The following CEP112 variants were observed in gnomAD, a reference collection of about 807,000 sequenced individuals.
The protein encoded by CEP112 is centrosomal protein of 112 kDa.
Under a neutral mutation model 153.0 loss-of-function variants are expected in CEP112, and 127 were observed. That is an observed-to-expected ratio of 0.83 (90% CI 0.72 to 0.96). The LOEUF (loss-of-function observed/expected upper bound fraction) is 0.96, where lower values mean the gene tolerates loss of function less well. Ranked by LOEUF, CEP112 falls within the 40% of genes least tolerant of loss-of-function variation. The pLI is 0.00. For synonymous variants in CEP112, 358 were observed against 374.4 expected (o/e 0.96, Z 0.51); for missense variants, 1,089 against 1,101.2 (o/e 0.99, Z 0.16).
At chr17:65,887,841 G>A (rs1380952620) in intron 20 of CEP112, among the ~76,000 whole-genome samples, 1 of 152,150 alleles carries the variant, frequency 6.6e-6, no homozygotes, top group African/African-American at 2.4e-5. Flanking sequence ...GAGCATCTTG[G>A]GGTTTACCTT....
chr17:66,000,607 A>G (rs2063996945), intron 17 of CEP112, among the ~76,000 whole-genome samples: 1 of 152,174 alleles, frequency 6.6e-6, no homozygotes, highest in Non-Finnish European at 1.5e-5. Flanking sequence ...AACATCATGC[A>G]TAACACTTCG....
intron 23 of CEP112, among the ~76,000 whole-genome samples, chr17:65,694,368 C>T (rs1462132260): frequency 1.3e-5 from 2 of 152,164 alleles, no homozygotes; most frequent in Non-Finnish European, 1.5e-5. Flanking sequence ...ATAACTAGAT[C>T]TGATCCTTTT....
At chr17:66,039,543 C>A (rs566342713) in intron 12 of CEP112, among the ~76,000 whole-genome samples, 1 of 152,202 alleles carries the variant, frequency 6.6e-6, no homozygotes, top group Non-Finnish European at 1.5e-5. Context: ...GGCAACAGAG[C>A]AAGACTGCAT....
chr17:65,741,867 T>C (rs2051158022), intron 23 of CEP112, among the ~76,000 whole-genome samples: 1 of 151,998 alleles, frequency 6.6e-6, no homozygotes, highest in Non-Finnish European at 1.5e-5. Context: ...TCCTGTGCAT[T>C]TGTAAATGAA....
chr17:66,157,588 TG>T (rs1273069275), intron 4 of CEP112, among the ~76,000 whole-genome samples: 1 of 151,394 alleles, frequency 6.6e-6, no homozygotes, highest in Non-Finnish European at 1.5e-5. Context: ...ACTGGGAAAT[TG>T]GATAAAGAGT....
At chr17:66,098,643 G>C (rs2068442032) in intron 6 of CEP112, among the ~76,000 whole-genome samples, 2 of 152,154 alleles carry the variant, frequency 1.3e-5, no homozygotes, top group South Asian at 4.1e-4. Flanking sequence ...CTAGGTTAAA[G>C]GAAATACACA....
chr17:65,820,352 CTAGA>C (rs2056470930), intron 21 of CEP112, among the ~76,000 whole-genome samples: 1 of 152,046 alleles, frequency 6.6e-6, no homozygotes. Context: ...CCATGCATGA[CTAGA>C]TAGTTTTCTA....
rs754963937 is a variant in CEP112, at chr17:66,060,685, G to A, written c.1074+2278C>T. On this transcript the variant is annotated intron_variant, in intron 11 of 26. Coordinates refer to ENST00000535342, the MANE Select transcript of CEP112 (RefSeq NM_001199165.4). ...ATAGTCTCTTTAATAAATGGTGCTG[G>A]GGAAACTGGATATCCACATGCAGAA... 2.6e-5 allele frequency among the ~76,000 whole-genome samples: 4 copies of A among 152,090 alleles called. No individual in the cohort carries two copies. In the East Asian group the frequency reaches 7.7e-4, roughly 29 times the overall value.
rs1242689416 is a variant in CEP112, at chr17:66,149,884, G to GTTTTTTTTTT, written c.471-17122_471-17121insAAAAAAAAAA. ...AAATTTAGGGTTTTTTTTTTTGTTT[G>GTTTTTTTTTT]TTTGTTTTTTTTTTTTTTTTTTTTT... is the stretch of plus-strand genomic sequence containing the variant. On this transcript the variant is annotated intron_variant, in intron 4 of 26. Coordinates refer to ENST00000535342, the MANE Select transcript of CEP112 (RefSeq NM_001199165.4). Among the ~76,000 whole-genome samples the GTTTTTTTTTT allele has an allele frequency of 1.5e-3, 68 of 46,818 alleles. 7 individuals are homozygous for GTTTTTTTTTT. The highest frequency in any genetic ancestry group is 4.3e-3 in the South Asian group (4 of 928). 30.7% of individuals were successfully genotyped at this position (46,818 alleles called of 152,430 possible).
chr17:66,142,781 TATC>T (rs1396964242), intron 4 of CEP112, among the ~76,000 whole-genome samples: 3 of 152,188 alleles, frequency 2.0e-5, no homozygotes, highest in African/African-American at 7.2e-5. Flanking sequence ...AATCAGGAAG[TATC>T]ATTTCTCCGG....
chr17:66,174,041 G>A (rs914578185), intron 4 of CEP112, among the ~76,000 whole-genome samples: 1 of 152,038 alleles, frequency 6.6e-6, no homozygotes, highest in Admixed American at 6.5e-5. Context: ...CCATTCTCCT[G>A]CCTCAGCCTC....
intron 8 of CEP112, among the ~76,000 whole-genome samples, chr17:66,077,519 A>T (rs1236747903): frequency 6.6e-6 from 1 of 152,218 alleles, no homozygotes; most frequent in Non-Finnish European, 1.5e-5. Context: ...CAAAGAAAAA[A>T]GAATAAGAAA....
At chr17:65,812,285 A>G (rs888852708) in intron 21 of CEP112, among the ~76,000 whole-genome samples, 6 of 152,154 alleles carry the variant, frequency 3.9e-5, no homozygotes, top group African/African-American at 1.4e-4. Flanking sequence ...TTACAGGCGT[A>G]AGCCACCGCA....
intron 21 of CEP112, among the ~76,000 whole-genome samples, chr17:65,795,799 G>A (rs1234297722): frequency 1.3e-5 from 2 of 152,112 alleles, no homozygotes; most frequent in Non-Finnish European, 2.9e-5. Flanking sequence ...GCGACAGAGT[G>A]AGGCTCTGTC....
At chr17:65,875,038 C>G (rs2146536117) in intron 20 of CEP112, among the ~76,000 whole-genome samples, 1 of 151,944 alleles carries the variant, frequency 6.6e-6, no homozygotes, top group Middle Eastern at 3.4e-3. Context: ...TCTTACTGAC[C>G]ATTCTCATAA....
chr17:65,829,083 C>T (rs766279831), intron 21 of CEP112, among the ~76,000 whole-genome samples: 14 of 151,878 alleles, frequency 9.2e-5, no homozygotes, highest in Non-Finnish European at 1.3e-4. Flanking sequence ...TTTAAAATTA[C>T]GCTTGGTAAT....
intron 20 of CEP112, among the ~76,000 whole-genome samples, chr17:65,852,995 T>TTA (rs2058018262): frequency 6.6e-6 from 1 of 152,236 alleles, no homozygotes; most frequent in South Asian, 2.1e-4. Flanking sequence ...TTAACTTCCA[T>TTA]TATAATTTTT....
At chr17:66,178,728 A>G (rs1171527800) in intron 2 of CEP112, among the ~76,000 whole-genome samples, 1 of 152,024 alleles carries the variant, frequency 6.6e-6, no homozygotes, top group East Asian at 1.9e-4. Flanking sequence ...TTATTTTTGT[A>G]TATGGTGGGA....
intron 4 of CEP112, among the ~76,000 whole-genome samples, chr17:66,160,473 T>C (rs961940774): frequency 2.0e-5 from 3 of 152,148 alleles, no homozygotes; most frequent in Non-Finnish European, 2.9e-5. Context: ...CAAAACAGCA[T>C]GGTACTGGTA....
Sources: allele counts gnomAD v4.1 joint callset (sites outside exome capture counted in the v4.1 genomes callset), GRCh38; gene constraint gnomAD v4.1.1; transcripts MANE v1.5; gene names NCBI Gene and HGNC (gene_info 2026-07-23, HGNC 2026-07-21).